ANO5: variants seen among roughly 807,000 people sequenced by gnomAD.
ANO5 encodes anoctamin-5.
In ANO5, 109 loss-of-function variants were observed where a neutral mutation model predicts 121.0. The observed-to-expected ratio is 0.90, with a 90% CI of 0.77 to 1.06. The LOEUF is 1.06. Ranked by LOEUF, ANO5 falls within the 50% of genes least tolerant of loss-of-function variation. The pLI, the probability that ANO5 is intolerant of heterozygous loss-of-function variation, is 0.00. For synonymous variants in ANO5, 406 were observed against 359.9 expected (o/e 1.13, Z -1.45); for missense variants, 1,064 against 1,078.5 (o/e 0.99, Z 0.19).
chr11:22,250,276 T>C lies in ANO5; in HGVS notation c.918T>C (p.Phe306=). ...AAAAAATTGGTATCTATTTTGTCTT[T>C]CTTGGATTTTACACAGAAATGCTAT... ...YGEKIGIYFV[F]LGFYTEMLFF... Residue 306 remains phenylalanine, a synonymous_variant, in exon 10 of 22, where the codon TTT becomes TTC. Transcript: ENST00000324559. 6.2e-7 allele frequency: 1 copy of C among 1,607,204 alleles called. No individual in the cohort carries two copies. The highest frequency in any genetic ancestry group is 8.5e-7 in the Non-Finnish European group (1 of 1,174,404).
chr11:22,266,528 GAAT>G (rs2133762454), intron 17 of ANO5, among the ~76,000 whole-genome samples: 1 of 152,138 alleles, frequency 6.6e-6, no homozygotes, highest in Admixed American at 6.5e-5. Context: ...TTAACAACAT[GAAT>G]AAGTATTTTT....
rs145127621 is a variant in ANO5 at position 22,276,125 on chromosome 11, G to T, written c.2446G>T (p.Glu816Ter). 9 of 1,610,502 alleles carry T rather than the reference G, an allele frequency of 5.6e-6. No individual in the cohort carries two copies. The highest frequency in any genetic ancestry group is 7.6e-6 in the Non-Finnish European group (9 of 1,177,644). ...YRDYRYPPDD[E>*]NKYFHNMQFW... Reference sequence around the variant, plus strand: ...AGATTACAGATATCCTCCTGATGACGAGAATAAATATTTTCATAATATGCA... The same window carrying T: ...AGATTACAGATATCCTCCTGATGACTAGAATAAATATTTTCATAATATGCA... The change falls in exon 21 of 22, where the codon GAG becomes TAG. Residue 816 changes from glutamate (E) to a stop codon, truncating the protein, a stop_gained. Coordinates refer to ENST00000324559, the MANE Select transcript of ANO5 (RefSeq NM_213599.3). LOFTEE classifies it high-confidence loss of function.
At chr11:22,234,564 G>A (rs923701848) in intron 7 of ANO5, among the ~76,000 whole-genome samples, 3 of 152,070 alleles carry the variant, frequency 2.0e-5, no homozygotes, top group Non-Finnish European at 4.4e-5. Context: ...TAACAAGTTA[G>A]TATGAGTTTA....
At chr11:22,255,289 C>G in intron 12 of ANO5, 82 bp from the exon 13 acceptor site, 2 of 1,156,554 alleles carry the variant, frequency 1.7e-6, no homozygotes, top group Non-Finnish European at 2.4e-6. Flanking sequence ...AACCATCCTG[C>G]AACCAAAGTA....
intron 9 of ANO5, among the ~76,000 whole-genome samples, chr11:22,245,203 A>C (rs1853577509): frequency 6.6e-6 from 1 of 152,172 alleles, no homozygotes; most frequent in African/African-American, 2.4e-5. Context: ...GCCAGCAGAT[A>C]GGCTCAGCCT....
intron 2 of ANO5, among the ~76,000 whole-genome samples, chr11:22,207,554 A>G (rs997501906): frequency 1.3e-5 from 2 of 152,162 alleles, no homozygotes; most frequent in African/African-American, 4.8e-5. Flanking sequence ...TGTAAAATGT[A>G]AAACTATACA....
At chr11:22,254,049 A>G (rs1853912758) in intron 12 of ANO5, among the ~76,000 whole-genome samples, 1 of 152,184 alleles carries the variant, frequency 6.6e-6, no homozygotes, top group African/African-American at 2.4e-5. Context: ...TGTTCTTCCC[A>G]TTTAATAAAT....
At chr11:22,231,412 G>A (rs1033616610) in intron 7 of ANO5, among the ~76,000 whole-genome samples, 1 of 151,728 alleles carries the variant, frequency 6.6e-6, no homozygotes, top group Non-Finnish European at 1.5e-5. Context: ...TTAAAGAGAT[G>A]TATATCATAA....
chr11:22,203,898 A>G (rs1852037951), intron 2 of ANO5, 48 bp downstream of exon 2: 1 of 1,266,496 alleles, frequency 7.9e-7, no homozygotes. Flanking sequence ...CAGAATAAAA[A>G]ATCAAGATAA....
chr11:22,249,798 T>G (rs534526469), intron 9 of ANO5, among the ~76,000 whole-genome samples: 2 of 152,182 alleles, frequency 1.3e-5, no homozygotes, highest in Admixed American at 6.5e-5. Context: ...TGTTTTCAGT[T>G]TTAGAGAGAT....
At chr11:22,242,270 T>A (rs1236139239) in intron 9 of ANO5, among the ~76,000 whole-genome samples, 1 of 152,126 alleles carries the variant, frequency 6.6e-6, no homozygotes, top group East Asian at 1.9e-4. Context: ...ACCATGCTGT[T>A]TTGCTTACCA....
At chr11:22,233,683 C>T (rs1419499971) in intron 7 of ANO5, among the ~76,000 whole-genome samples, 1 of 152,014 alleles carries the variant, frequency 6.6e-6, no homozygotes, top group Non-Finnish European at 1.5e-5. Flanking sequence ...AAAAATTGCC[C>T]TTGTTTTATG....
intron 14 of ANO5, among the ~76,000 whole-genome samples, chr11:22,259,250 ACTAGAGGATGAGC>A (rs1488976871): frequency 6.6e-6 from 1 of 152,108 alleles, no homozygotes; most frequent in Non-Finnish European, 1.5e-5. Flanking sequence ...GCCACTCCCT[ACTAGAGGATGAGC>A]CTAGAGGATG....
chr11:22,217,535 C>A (rs1156989571), intron 3 of ANO5, among the ~76,000 whole-genome samples: 1 of 151,730 alleles, frequency 6.6e-6, no homozygotes, highest in East Asian at 1.9e-4. Context: ...GCATACTTAA[C>A]AAAATATCTA....
rs559885632 is a variant in ANO5, at chr11:22,259,709, A to G, written c.1598A>G (p.Tyr533Cys). 1 of 1,613,814 alleles carries G rather than the reference A, an allele frequency of 6.2e-7. No individual in the cohort carries two copies. Among genetic ancestry groups the G allele is most frequent in the South Asian group, 1.1e-5 (1 of 91,086 alleles). ...GTCATCTTGATCTTGAATTTCTTTT[A>G]TGAAAAGATATCTGCCTGGATCACA... Reference protein sequence around the residue: ...FIVILILNFFYEKISAWITKM... With the variant: ...FIVILILNFFCEKISAWITKM... The change falls in exon 15 of 22, where the codon TAT (tyrosine) becomes TGT (cysteine). Residue 533 changes from tyrosine (Y) to cysteine (C), a missense_variant. Tyr to Cys is a radical substitution (Grantham distance 194, BLOSUM62 -2). Transcript: ENST00000324559.
Position 22,252,029 on chromosome 11 carries a change from C to CAAAAAAAAAAAAAAAAA in ANO5, c.1180+1032_1180+1048dup, listed in dbSNP as rs10525160. ...TGAGAGACAGAGCAAGACGCCGTCT[C>CAAAAAAAAAAAAAAAAA]AAAAAAAAAAAAAAAAAAAAAAAAA... On this transcript the variant is annotated intron_variant, in intron 12 of 21. Transcript: ENST00000324559. Among the ~76,000 whole-genome samples the CAAAAAAAAAAAAAAAAA allele has an allele frequency of 3.1e-4, 14 of 45,858 alleles. 1 individual carries two copies. Among genetic ancestry groups the CAAAAAAAAAAAAAAAAA allele is most frequent in the African/African-American group, 9.4e-4 (14 of 14,924 alleles). 30.1% of individuals were successfully genotyped at this position (45,858 alleles called of 152,430 possible).
intron 7 of ANO5, among the ~76,000 whole-genome samples, chr11:22,228,432 T>C (rs991558131): frequency 1.3e-5 from 2 of 152,024 alleles, no homozygotes; most frequent in African/African-American, 4.8e-5. Flanking sequence ...GTATACATTA[T>C]GTAATGAACA....
intron 12 of ANO5, among the ~76,000 whole-genome samples, chr11:22,252,809 A>T (rs200052434): frequency 0.12 from 18,946 of 151,928 alleles, 3,350 homozygotes; most frequent in African/African-American, 0.39. Context: ...ATTTCATTTT[A>T]TTTATACTTT....
rs1292169961 is a variant in ANO5 at position 22,211,241 on chromosome 11, A to T, written c.88-23A>T. The T allele has an allele frequency of 1.3e-5, 21 of 1,610,520 alleles. 1 individual carries two copies. Among genetic ancestry groups the T allele is most frequent in the Non-Finnish European group, 8.5e-7 (1 of 1,177,380 alleles). ...CACCTGCACTATTAATAATAGCATTATATCTTCCCCTGGTACTGTTAGCAG... is the reference window on the plus strand; with the variant it reads ...CACCTGCACTATTAATAATAGCATTTTATCTTCCCCTGGTACTGTTAGCAG... On this transcript the variant is annotated intron_variant, in intron 2 of 21. Transcript: ENST00000324559.
Sources: allele counts gnomAD v4.1 joint callset (sites outside exome capture counted in the v4.1 genomes callset), GRCh38; gene constraint gnomAD v4.1.1; transcripts MANE v1.5; gene names NCBI Gene and HGNC (gene_info 2026-07-23, HGNC 2026-07-21).